SI: variants seen among roughly 807,000 people sequenced by gnomAD.
SI encodes sucrase-isomaltase.
A neutral mutation model predicts 253.3 loss-of-function variants in SI; 235 were observed. The ratio of observed to expected loss-of-function variants is 0.93; its 90% CI spans 0.83 to 1.03. The LOEUF (loss-of-function observed/expected upper bound fraction) is 1.03. SI is among the 50% of genes least tolerant of loss of function. The pLI, the probability that SI is intolerant of heterozygous loss-of-function variation, is 0.00. For missense variants in SI, 2,442 were observed against 2,211.1 expected, an observed-to-expected ratio of 1.10 and a Z score of -2.09; for synonymous variants, 819 against 712.0, an observed-to-expected ratio of 1.15 and a Z score of -2.39.
At chr3:165,056,507 G>A (rs1007540372) in intron 12 of SI, among the ~76,000 whole-genome samples, 5 of 152,130 alleles carry the variant, frequency 3.3e-5, no homozygotes, top group Admixed American at 6.6e-5. Context: ...AGTCATTGAA[G>A]AGGGTAGGAA....
chr3:165,049,468 T>G (rs536028155), intron 14 of SI, among the ~76,000 whole-genome samples: 1 of 152,260 alleles, frequency 6.6e-6, no homozygotes, highest in Non-Finnish European at 1.5e-5. Context: ...TATATTTACA[T>G]TGGCAAATAC....
intron 37 of SI, among the ~76,000 whole-genome samples, chr3:165,005,522 C>G (rs1718463449): frequency 6.6e-6 from 1 of 152,078 alleles, no homozygotes; most frequent in Non-Finnish European, 1.5e-5. Context: ...AAAAGAAAAT[C>G]TCCAAGTGAT....
Position 164,983,602 on chromosome 3 carries a change from T to C in SI, c.5198-551A>G, listed in dbSNP as rs530354425. Among the ~76,000 whole-genome samples the C allele has an allele frequency of 3.6e-4, 55 of 152,218 alleles. 1 individual carries two copies. Among genetic ancestry groups the C allele is most frequent in the African/African-American group, 1.3e-3 (52 of 41,542 alleles). ...ATAATCATTATTTTTTAGTTTTTATTTTTTTAAGACAAAGTCTGGCTCTAT... is the reference window on the plus strand; with the variant it reads ...ATAATCATTATTTTTTAGTTTTTATCTTTTTAAGACAAAGTCTGGCTCTAT... On this transcript the variant is annotated intron_variant, in intron 45 of 47. Transcript: ENST00000264382.
rs117876990 is a variant in SI at position 165,065,654 on chromosome 3, T to A, written c.636-222A>T. ...ACAATTTTTGCCAATATCTTTCACA[T>A]CCATTTCTTTACTTTTCATCACAAG... On this transcript the variant is annotated intron_variant, in intron 6 of 47. Coordinates refer to ENST00000264382, the MANE Select transcript of SI (RefSeq NM_001041.4). 3.0e-4 allele frequency among the ~76,000 whole-genome samples: 45 copies of A among 151,010 alleles called. 1 individual carries two copies. In the East Asian group the frequency reaches 7.3e-3, roughly 25 times the overall value.
intron 5 of SI, 42 bp from the exon 6 acceptor site, chr3:165,067,533 T>C (rs1326484418): frequency 6.7e-6 from 10 of 1,484,504 alleles, no homozygotes; most frequent in African/African-American, 1.4e-5. Flanking sequence ...GATTCTAAAC[T>C]ATTATTTAAT....
At chr3:165,051,433 G>A (rs1046683104) in intron 13 of SI, among the ~76,000 whole-genome samples, 3 of 151,950 alleles carry the variant, frequency 2.0e-5, no homozygotes, top group Non-Finnish European at 2.9e-5. Flanking sequence ...GCTACATTGA[G>A]TTATTTTTTT....
chr3:165,052,374 G>A (rs934162866), intron 13 of SI, among the ~76,000 whole-genome samples: 2 of 152,128 alleles, frequency 1.3e-5, no homozygotes, highest in Non-Finnish European at 2.9e-5. Flanking sequence ...AGATATGTAG[G>A]TGTCATTCAA....
At chr3:165,032,924 T>C (rs1417474452) in intron 23 of SI, among the ~76,000 whole-genome samples, 1 of 151,438 alleles carries the variant, frequency 6.6e-6, no homozygotes, top group East Asian at 1.9e-4. Context: ...ATGCAACACA[T>C]ATATACTCAT....
intron 14 of SI, 89 bp downstream of exon 14, chr3:165,049,702 G>A (rs1192271093): frequency 2.1e-5 from 16 of 773,872 alleles, no homozygotes; most frequent in Non-Finnish European, 3.6e-5. Context: ...ACCAAAAATT[G>A]TAATTTAGAA....
chr3:165,073,883 G>C lies in SI; in HGVS notation c.255+648C>G, dbSNP rs537046890. 5.9e-5 allele frequency among the ~76,000 whole-genome samples: 9 copies of C among 152,158 alleles called. No individual in the cohort carries two copies. The East Asian group carries it at 1.7e-3, about 30-fold the overall frequency. On this transcript the variant is annotated intron_variant, in intron 3 of 47. Transcript: ENST00000264382. The stretch of plus-strand genomic sequence containing the variant: ...ATGCAAATACTGCCATTTTATTTGA[G>C]AGATTTGAACATCTGCAGATTTTGG...
chr3:164,998,619 A>T lies in SI; in HGVS notation c.4461T>A (p.Tyr1487Ter), dbSNP rs1050677049. The T allele has an allele frequency of 6.2e-7, 1 of 1,611,672 alleles. No homozygotes were observed. Among genetic ancestry groups the T allele is most frequent in the East Asian group, 2.2e-5 (1 of 44,802 alleles). ...KRGIVISRST[Y>*]PTSGRWGGHW... ...GTCCTCCCCATCGTCCACTAGTAGG[A>T]TACGTGGAACGAGAAATTACAATCC... is the stretch of plus-strand genomic sequence containing the variant. The change falls in exon 38 of 48, where the codon TAT becomes TAA. Residue 1487 changes from tyrosine to a stop codon, truncating the protein, a stop_gained. Coordinates refer to ENST00000264382, the MANE Select transcript of SI (RefSeq NM_001041.4). LOFTEE classifies it high-confidence loss of function.
intron 37 of SI, among the ~76,000 whole-genome samples, chr3:165,005,945 A>G (rs1256878126): frequency 1.3e-5 from 2 of 152,052 alleles, no homozygotes; most frequent in Non-Finnish European, 2.9e-5. Context: ...CTTGTATTGG[A>G]AAGTGCTAAT....
At chr3:165,024,002 G>T (rs576132183) in intron 25 of SI, among the ~76,000 whole-genome samples, 1 of 151,378 alleles carries the variant, frequency 6.6e-6, no homozygotes, top group South Asian at 2.1e-4. Flanking sequence ...AAGAATGGTA[G>T]AGCAGAAGGA....
Position 165,046,951 on chromosome 3 carries a change from C to T in SI, c.1777G>A (p.Gly593Arg). 2 of 1,612,408 alleles carry T rather than the reference C, an allele frequency of 1.2e-6. No homozygotes were observed. Among genetic ancestry groups the T allele is most frequent in the East Asian group, 2.2e-5 (1 of 44,720 alleles). Residue 593 changes from glycine to arginine, a missense_variant, in exon 16 of 48, where the codon GGA (glycine) becomes AGA (arginine). By Grantham distance (125) the Gly-to-Arg change is moderately radical (BLOSUM62 -2). Transcript: ENST00000264382. ...CAATGCGCAGCATGTCTTCCAGATC[C>T]AGCAAATGTTGAGCGGGTAAGAATG... ...SFILTRSTFA[G>R]SGRHAAHWLG...
chr3:165,033,394 C>T lies in SI; in HGVS notation c.2565+1G>A. The stretch of plus-strand genomic sequence containing the variant: ...AGTATATGTACAAAGAGAGTGCTTA[C>T]ATTAGAAACTGAAAATGTATATAAT... On this transcript the variant is annotated splice_donor_variant, in intron 23 of 47. Transcript: ENST00000264382. LOFTEE classifies it high-confidence loss of function. 1 of 1,556,034 alleles carries T rather than the reference C, an allele frequency of 6.4e-7. No homozygotes were observed. The highest frequency in any genetic ancestry group is 8.7e-7 in the Non-Finnish European group (1 of 1,147,420).
chr3:165,036,364 T>C, intron 22 of SI, 25 bp downstream of exon 22: 1 of 1,500,320 alleles, frequency 6.7e-7, no homozygotes, highest in Non-Finnish European at 9.3e-7. Flanking sequence ...AGTGAACATT[T>C]AAAGCGTATT....
intron 45 of SI, among the ~76,000 whole-genome samples, chr3:164,986,054 CAA>C (rs1456356590): frequency 2.0e-5 from 3 of 151,942 alleles, no homozygotes; most frequent in Non-Finnish European, 4.4e-5. Context: ...GCAAACAAGC[CAA>C]AAGAGTAGAT....
At chr3:165,021,152 G>A (rs1388960176) in intron 27 of SI, 77 bp downstream of exon 27, 3 of 1,273,410 alleles carry the variant, frequency 2.4e-6, no homozygotes, top group African/African-American at 1.5e-5. Context: ...GGACAGTGAA[G>A]GCTGTTAATC....
rs764531814 is a variant in SI, at chr3:165,075,890, C to A, written c.118+5G>T. On this transcript the variant is annotated splice_donor_5th_base_variant and intron_variant, in intron 2 of 47. Coordinates refer to ENST00000264382, the MANE Select transcript of SI (RefSeq NM_001041.4). ...ATGTAGCCATGCTTTTAATGTACTA[C>A]TTACCATCAACAGCAGGTGTCTTAG... 1 of 1,475,538 alleles carries A rather than the reference C, an allele frequency of 6.8e-7. No individual in the cohort carries two copies. The allele number at this position is 1,475,538 out of a possible 1,614,324, so 91.4% of individuals were successfully genotyped here.
Sources: allele counts gnomAD v4.1 joint callset (sites outside exome capture counted in the v4.1 genomes callset), GRCh38; gene constraint gnomAD v4.1.1; transcripts MANE v1.5; gene names NCBI Gene and HGNC (gene_info 2026-07-23, HGNC 2026-07-21).